CDH20: variants seen among roughly 807,000 people sequenced by gnomAD.
CDH20 encodes the protein cadherin 20.
A neutral mutation model predicts 74.2 loss-of-function variants in CDH20; 29 were observed. That is an observed-to-expected ratio of 0.39 (90% CI 0.29 to 0.53). CDH20 has a LOEUF of 0.53. Ranked by LOEUF, CDH20 falls within the 20% of genes least tolerant of loss-of-function variation. CDH20 has a pLI of 0.69. For synonymous variants in CDH20, 469 were observed against 405.4 expected (o/e 1.16, Z -1.88); for missense variants, 988 against 1,048.3 (o/e 0.94, Z 0.79).
At chr18:61,502,523 T>G (rs1463002511) in intron 4 of CDH20, among the ~76,000 whole-genome samples, 1 of 152,204 alleles carries the variant, frequency 6.6e-6, no homozygotes, top group Non-Finnish European at 1.5e-5. Context: ...ACAAGGGCTC[T>G]AGGGGCTGAA....
At position 61,551,290 on chromosome 18, in the gene CDH20, CA is replaced by C. The variant is rs200531304; in HGVS notation, c.1900+1062del. Among the ~76,000 whole-genome samples, 709 of 152,214 alleles carry C rather than the reference CA, an allele frequency of 4.7e-3. 10 individuals are homozygous for C. Among genetic ancestry groups the C allele is most frequent in the African/African-American group, 0.016 (679 of 41,522 alleles). Reference sequence around the variant, plus strand: ...CATATATATCATGCTTAGAGAAAAACAGATTTAGTAGATACTAGTATTATTC... The same window carrying C: ...CATATATATCATGCTTAGAGAAAAACGATTTAGTAGATACTAGTATTATTC... On this transcript the variant is annotated intron_variant, in intron 11 of 11. Transcript: ENST00000262717.
intron 1 of CDH20, among the ~76,000 whole-genome samples, chr18:61,379,598 A>G (rs1353124904): frequency 3.3e-5 from 5 of 152,206 alleles, no homozygotes; most frequent in Non-Finnish European, 7.3e-5. Context: ...GTATCGTGAG[A>G]TAGTTCCCAG....
intron 1 of CDH20, among the ~76,000 whole-genome samples, chr18:61,447,449 A>G (rs1909239297): frequency 6.6e-6 from 1 of 152,206 alleles, no homozygotes; most frequent in Non-Finnish European, 1.5e-5. Flanking sequence ...CTCTTGAAAC[A>G]TCAAGAGATC....
intron 1 of CDH20, among the ~76,000 whole-genome samples, chr18:61,379,725 CTT>C (rs1375125506): frequency 1.3e-5 from 2 of 152,066 alleles, no homozygotes; most frequent in Admixed American, 1.3e-4. Flanking sequence ...CATCTAGTGT[CTT>C]TGTATACAAA....
At position 61,400,675 on chromosome 18, in the gene CDH20, C is replaced by T. The variant is rs368850807; in HGVS notation, c.-153+66848C>T. On this transcript the variant is annotated intron_variant, in intron 1 of 11. Coordinates refer to ENST00000262717, the MANE Select transcript of CDH20 (RefSeq NM_031891.4). ...TGCCAGATTCAGGTAAATGCATCAC[C>T]CTAATACCTGCACAATTTTATTTCT... Among the ~76,000 whole-genome samples the T allele has an allele frequency of 5.9e-5, 9 of 152,248 alleles. No homozygotes were observed. The East Asian group carries it at 9.7e-4, about 16-fold the overall frequency.
chr18:61,519,049 A>G (rs1444345814), intron 6 of CDH20, among the ~76,000 whole-genome samples: 1 of 151,366 alleles, frequency 6.6e-6, no homozygotes, highest in Non-Finnish European at 1.5e-5. Context: ...TAATGAAAAA[A>G]GCATAAAGAC....
intron 1 of CDH20, among the ~76,000 whole-genome samples, chr18:61,474,888 C>A (rs912060491): frequency 6.6e-6 from 1 of 152,002 alleles, no homozygotes; most frequent in African/African-American, 2.4e-5. Flanking sequence ...CATCTGTCTT[C>A]GAGCAAAAAC....
chr18:61,453,855 A>G (rs1220397084), intron 1 of CDH20, among the ~76,000 whole-genome samples: 3 of 152,126 alleles, frequency 2.0e-5, no homozygotes, highest in African/African-American at 7.2e-5. Flanking sequence ...TGGCAGTTGC[A>G]TGTTTAATTT....
intron 1 of CDH20, among the ~76,000 whole-genome samples, chr18:61,412,071 C>T (rs1026305244): frequency 1.0e-4 from 15 of 150,612 alleles, no homozygotes; most frequent in Admixed American, 6.6e-4. Context: ...AAAAAAAAAG[C>T]ACTATAAGTA....
intron 7 of CDH20, among the ~76,000 whole-genome samples, chr18:61,531,983 T>C (rs1421387163): frequency 6.6e-6 from 1 of 152,218 alleles, no homozygotes; most frequent in Non-Finnish European, 1.5e-5. Context: ...TTATTAGCAG[T>C]GTGAGAACGG....
chr18:61,493,640 C>G (rs555041858), intron 2 of CDH20, among the ~76,000 whole-genome samples: 1 of 152,200 alleles, frequency 6.6e-6, no homozygotes, highest in South Asian at 2.1e-4. Flanking sequence ...CCCTGACTTC[C>G]GCTCATCAGG....
At chr18:61,426,269 A>G (rs1219799252) in intron 1 of CDH20, among the ~76,000 whole-genome samples, 2 of 152,168 alleles carry the variant, frequency 1.3e-5, no homozygotes, top group Non-Finnish European at 2.9e-5. Context: ...ATGAGTTAAC[A>G]AACTTAAAGC....
At chr18:61,516,248 G>A (rs1218961500) in intron 6 of CDH20, among the ~76,000 whole-genome samples, 2 of 152,138 alleles carry the variant, frequency 1.3e-5, no homozygotes, top group South Asian at 2.1e-4. Flanking sequence ...ACTCACATTG[G>A]GAAACTTTTT....
intron 1 of CDH20, among the ~76,000 whole-genome samples, chr18:61,415,705 G>A (rs888126773): frequency 1.3e-5 from 2 of 151,928 alleles, no homozygotes; most frequent in Non-Finnish European, 2.9e-5. Flanking sequence ...TTAAATTTTT[G>A]AACCAGATTT....
chr18:61,439,882 C>T (rs991466580), intron 1 of CDH20, among the ~76,000 whole-genome samples: 2 of 152,028 alleles, frequency 1.3e-5, no homozygotes, highest in Non-Finnish European at 2.9e-5. Flanking sequence ...TTGGCATATT[C>T]CTATTTCAAA....
chr18:61,367,643 T>C (rs1910904342), intron 1 of CDH20, among the ~76,000 whole-genome samples: 6 of 152,162 alleles, frequency 3.9e-5, no homozygotes, highest in Admixed American at 3.9e-4. Flanking sequence ...TCACCTTGAA[T>C]CATTCTATGA....
intron 7 of CDH20, among the ~76,000 whole-genome samples, chr18:61,532,401 G>T (rs796682314): frequency 3.7e-4 from 56 of 152,090 alleles, no homozygotes; most frequent in African/African-American, 1.2e-3. Flanking sequence ...TTACTCATCA[G>T]CTTTCTCTTT....
intron 1 of CDH20, among the ~76,000 whole-genome samples, chr18:61,345,376 C>T (rs990469720): frequency 1.3e-5 from 2 of 152,146 alleles, no homozygotes; most frequent in African/African-American, 2.4e-5. Context: ...GGAGGCTTTG[C>T]TGGGCCTTGT....
At chr18:61,464,373 G>A (rs1159628564) in intron 1 of CDH20, among the ~76,000 whole-genome samples, 1 of 151,190 alleles carries the variant, frequency 6.6e-6, no homozygotes, top group Non-Finnish European at 1.5e-5. Context: ...TCCAAACCTA[G>A]TCTCACCCCT....
Sources: allele counts gnomAD v4.1 joint callset (sites outside exome capture counted in the v4.1 genomes callset), GRCh38; gene constraint gnomAD v4.1.1; transcripts MANE v1.5; gene names NCBI Gene and HGNC (gene_info 2026-07-23, HGNC 2026-07-21).